Variants in MYLK3 observed in about 807,000 individuals in gnomAD.
MYLK3 encodes the protein MLC kinase.
A neutral mutation model predicts 76.3 loss-of-function variants in MYLK3; 55 were observed. That is an observed-to-expected ratio of 0.72 (90% CI 0.58 to 0.90). The LOEUF is 0.90. MYLK3 is among the 40% of genes least tolerant of loss of function. MYLK3 has a pLI of 0.00. For missense variants in MYLK3, 973 were observed against 1,053.6 expected (o/e 0.92, Z 1.06); for synonymous variants, 416 against 425.4 (o/e 0.98, Z 0.27).
intron 10 of MYLK3, 93 bp downstream of exon 10, chr16:46,712,555 A>T: frequency 1.6e-6 from 2 of 1,251,952 alleles, no homozygotes; most frequent in Non-Finnish European, 2.1e-6. Context: ...TCCCAAATAG[A>T]CTACTTGTGC....
chr16:46,744,597 C>T (rs1458556532), intron 1 of MYLK3, among the ~76,000 whole-genome samples: 1 of 152,152 alleles, frequency 6.6e-6, no homozygotes, highest in African/African-American at 2.4e-5. Context: ...CCACCTCGGC[C>T]TCCCAAAGTG....
At chr16:46,715,050 CCCT>C (rs1246739662) in intron 9 of MYLK3, among the ~76,000 whole-genome samples, 1 of 152,258 alleles carries the variant, frequency 6.6e-6, no homozygotes, top group East Asian at 1.9e-4. Context: ...AGTGGCACCC[CCCT>C]CAAGTATTTC....
intron 3 of MYLK3, among the ~76,000 whole-genome samples, chr16:46,735,481 C>CA (rs1596764388): frequency 6.6e-6 from 1 of 152,154 alleles, no homozygotes; most frequent in East Asian, 1.9e-4. Context: ...GCTGGGATTA[C>CA]AAGCATGAGC....
chr16:46,717,357 C>T (rs1011190435), intron 9 of MYLK3, among the ~76,000 whole-genome samples: 3 of 152,132 alleles, frequency 2.0e-5, no homozygotes, highest in Admixed American at 2.0e-4. Flanking sequence ...GAGTTTTTCC[C>T]CAAACAGCCA....
intron 6 of MYLK3, 108 bp downstream of exon 6, chr16:46,729,486 G>A: frequency 9.7e-7 from 1 of 1,032,698 alleles, no homozygotes; most frequent in South Asian, 1.4e-5. Flanking sequence ...CTGGAAAAGA[G>A]CAGGAATAAG....
At chr16:46,712,617 C>A in intron 10 of MYLK3, 31 bp downstream of exon 10, 1 of 1,410,874 alleles carries the variant, frequency 7.1e-7, no homozygotes, top group South Asian at 1.7e-5. Flanking sequence ...ACCCCTGTCC[C>A]CACTTCAGAG....
chr16:46,727,132 G>C, intron 8 of MYLK3, 104 bp downstream of exon 8: 1 of 1,317,806 alleles, frequency 7.6e-7, no homozygotes, highest in Non-Finnish European at 1.0e-6. Context: ...CAGAGAGCCA[G>C]GAATGGAAGC....
intron 1 of MYLK3, among the ~76,000 whole-genome samples, chr16:46,744,582 T>TC (rs1175557412): frequency 6.6e-6 from 1 of 151,918 alleles, no homozygotes; most frequent in Non-Finnish European, 1.5e-5. Flanking sequence ...CCTCAGGTGA[T>TC]CCCCCCACCT....
rs750343120 is a variant in MYLK3 at position 46,748,183 on chromosome 16, G to A, written c.11C>T (p.Thr4Ile). 2 of 1,612,322 alleles carry A rather than the reference G, an allele frequency of 1.2e-6. No individual in the cohort carries two copies. Among genetic ancestry groups the A allele is most frequent in the Non-Finnish European group, 1.7e-6 (2 of 1,178,858 alleles). Residue 4 changes from threonine (T) to isoleucine (I), a missense_variant, in exon 1 of 13, where the codon ACC becomes ATC. By Grantham distance (89) the Thr-to-Ile change is moderately conservative. Around this residue, in one of 2 missense-constraint regions of MYLK3, gnomAD observed 641 missense variants for 637.0 expected, o/e 1.01. Coordinates refer to ENST00000394809, the MANE Select transcript of MYLK3 (RefSeq NM_182493.3). This position sits in a 1 kb window ranked among gnomAD's most constrained non-coding sequence, Gnocchi z 4.3. ...CCCATGCCCCAGACTCTCCTTGGAG[G>A]TTCCTGACATGCTGGTGCAGGCTTG... MSG[T>I]SKESLGHGGL... is the part of the protein sequence containing the mutation.
chr16:46,711,750 G>A, intron 10 of MYLK3: 1 of 325,368 alleles, frequency 3.1e-6, no homozygotes, highest in Admixed American at 4.3e-5. Context: ...AGAAGTATCA[G>A]GAAATCAATT....
At chr16:46,745,092 T>A (rs1332781712) in intron 1 of MYLK3, among the ~76,000 whole-genome samples, 3 of 152,148 alleles carry the variant, frequency 2.0e-5, no homozygotes, top group Non-Finnish European at 4.4e-5. Context: ...TCCCACACCT[T>A]GATGGTAGGA....
intron 3 of MYLK3, among the ~76,000 whole-genome samples, chr16:46,735,462 T>C (rs1467561737): frequency 6.6e-6 from 1 of 152,166 alleles, no homozygotes. Flanking sequence ...CGCCTCGGCC[T>C]CCCAAAGTGC....
chr16:46,740,552 T>TATATATATA (rs56281590), intron 1 of MYLK3, among the ~76,000 whole-genome samples: 11 of 91,526 alleles, frequency 1.2e-4, no homozygotes, highest in South Asian at 3.8e-4. Flanking sequence ...TATATATATA[T>TATATATATA]TTTTTTTTTT....
chr16:46,742,189 AATT>A (rs1966942004), intron 1 of MYLK3, among the ~76,000 whole-genome samples: 1 of 151,888 alleles, frequency 6.6e-6, no homozygotes, highest in African/African-American at 2.4e-5. Context: ...ATACCATCAT[AATT>A]ATTATGTAAT....
At chr16:46,714,693 CA>C (rs1477026848) in intron 9 of MYLK3, among the ~76,000 whole-genome samples, 1 of 152,208 alleles carries the variant, frequency 6.6e-6, no homozygotes, top group East Asian at 1.9e-4. Flanking sequence ...GTTCCCTCCA[CA>C]AGAGGTGTAA....
At chr16:46,755,026 G>T (rs1440863313) in intron 1 of MYLK3, among the ~76,000 whole-genome samples, 2 of 151,858 alleles carry the variant, frequency 1.3e-5, no homozygotes, top group Non-Finnish European at 1.5e-5. Context: ...CTCCCAAGTA[G>T]CCAGGACTAT....
chr16:46,709,335 T>C (rs1365342528), intron 12 of MYLK3, among the ~76,000 whole-genome samples: 2 of 151,842 alleles, frequency 1.3e-5, no homozygotes, highest in Non-Finnish European at 2.9e-5. Flanking sequence ...GGTGGGAGGA[T>C]TGCTTGAACC....
rs766289462 is a variant in MYLK3, at chr16:46,738,016, T to G, written c.696A>C (p.Pro232=). ...GCAGGTGGCCAGGGAATGCCTGGGC[T>G]GGGCCAGGAACACCATCTCCCTGGC... ...SPGQGDGVPG[P]AQAFPGHLPL... is the part of the protein sequence containing the mutation. Residue 232 remains proline (P), a synonymous_variant, in exon 3 of 13, where the codon CCA becomes CCC. Transcript: ENST00000394809. The G allele has an allele frequency of 6.2e-7, 1 of 1,613,178 alleles. No individual in the cohort carries two copies. The highest frequency in any genetic ancestry group is 8.5e-7 in the Non-Finnish European group (1 of 1,179,956).
intron 1 of MYLK3, among the ~76,000 whole-genome samples, chr16:46,760,744 G>A (rs2143018887): frequency 6.6e-6 from 1 of 152,246 alleles, no homozygotes; most frequent in Non-Finnish European, 1.5e-5. Context: ...AGAACTGGTA[G>A]CAGAGGCGGG....
Sources: allele counts gnomAD v4.1 joint callset (sites outside exome capture counted in the v4.1 genomes callset), GRCh38; gene constraint gnomAD v4.1.1; regional missense constraint gnomAD v4.1.1; non-coding constraint Gnocchi (gnomAD v3.1); transcripts MANE v1.5; gene names NCBI Gene and HGNC (gene_info 2026-07-23, HGNC 2026-07-21).